The following ABI2 variants were observed in gnomAD, a reference collection of about 807,000 sequenced individuals.
ABI2 encodes the protein abelson interactor 2.
A neutral mutation model predicts 59.2 loss-of-function variants in ABI2; 25 were observed. That is an observed-to-expected ratio of 0.42 (90% CI 0.31 to 0.59). The LOEUF (loss-of-function observed/expected upper bound fraction) is 0.59, where lower values mean the gene tolerates loss of function less well. Ranked by LOEUF, ABI2 falls within the 20% of genes least tolerant of loss-of-function variation. The probability of loss-of-function intolerance (pLI) is 0.14; values close to 1 mark genes in which losing one functional copy is unlikely to be tolerated. For synonymous variants in ABI2, 213 were observed against 235.5 expected, an observed-to-expected ratio of 0.90 and a Z score of 0.87; for missense variants, 545 against 681.8, an observed-to-expected ratio of 0.80 and a Z score of 2.23.
chr2:203,368,944 G>GT (rs1197467655), intron 2 of ABI2, among the ~76,000 whole-genome samples: 2 of 146,438 alleles, frequency 1.4e-5, no homozygotes, highest in African/African-American at 5.1e-5. Flanking sequence ...AGCCTCTCAA[G>GT]TAGCTGGCTG....
intron 1 of ABI2, among the ~76,000 whole-genome samples, chr2:203,354,424 C>T (rs999425020): frequency 6.6e-6 from 1 of 152,138 alleles, no homozygotes; most frequent in Non-Finnish European, 1.5e-5. Context: ...GTGAATCTAT[C>T]TTTAATTCAT....
At chr2:203,414,834 C>T (rs1179938344) in intron 10 of ABI2, among the ~76,000 whole-genome samples, 1 of 152,126 alleles carries the variant, frequency 6.6e-6, no homozygotes, top group Non-Finnish European at 1.5e-5. Context: ...GTCTCCACAT[C>T]TATAAAATGA....
chr2:203,408,165 CT>C (rs11302309), intron 9 of ABI2, among the ~76,000 whole-genome samples: 105,713 of 144,692 alleles, frequency 0.73, 39,357 homozygotes, highest in Middle Eastern at 0.86. Flanking sequence ...TGCTGGTGGA[CT>C]TTTTTTTTTT....
At chr2:203,361,102 C>A (rs2093433998) in intron 1 of ABI2, among the ~76,000 whole-genome samples, 1 of 152,136 alleles carries the variant, frequency 6.6e-6, no homozygotes, top group Non-Finnish European at 1.5e-5. Flanking sequence ...TGTCTGGCTG[C>A]CACAGCAATC....
intron 9 of ABI2, among the ~76,000 whole-genome samples, chr2:203,405,279 A>T (rs1262907551): frequency 1.3e-5 from 2 of 151,660 alleles, no homozygotes; most frequent in Admixed American, 6.6e-5. Flanking sequence ...TTGTAAACTA[A>T]TTTTTTTTTA....
chr2:203,405,897 T>C (rs2097405701), intron 9 of ABI2, among the ~76,000 whole-genome samples: 1 of 152,202 alleles, frequency 6.6e-6, no homozygotes, highest in African/African-American at 2.4e-5. Flanking sequence ...AATTATAACA[T>C]AGGAGTTAAA....
chr2:203,333,049 G>C (rs1200279233), intron 1 of ABI2, among the ~76,000 whole-genome samples: 1 of 152,026 alleles, frequency 6.6e-6, no homozygotes, highest in Admixed American at 6.6e-5. Flanking sequence ...TAATCAATGT[G>C]GATACTCCCA....
At chr2:203,328,744 G>C (rs1163921873) in intron 1 of ABI2, 113 bp downstream of exon 1, 3 of 562,572 alleles carry the variant, frequency 5.3e-6, no homozygotes, top group African/African-American at 4.0e-5. Context: ...AGCCCCCGAT[G>C]GGGGTGGGGA....
chr2:203,414,604 T>A (rs1435281947), intron 10 of ABI2, among the ~76,000 whole-genome samples: 1 of 152,256 alleles, frequency 6.6e-6, no homozygotes, highest in East Asian at 1.9e-4. Flanking sequence ...ATTTGGTCGT[T>A]CATGTCTTCA....
intron 4 of ABI2, among the ~76,000 whole-genome samples, chr2:203,390,060 G>T (rs1164598258): frequency 2.0e-5 from 3 of 152,154 alleles, no homozygotes; most frequent in Admixed American, 6.5e-5. Context: ...TGGCCCTTGT[G>T]CTGCTCCCAG....
chr2:203,364,978 C>T (rs903013563), intron 1 of ABI2, among the ~76,000 whole-genome samples: 1 of 152,202 alleles, frequency 6.6e-6, no homozygotes, highest in African/African-American at 2.4e-5. Flanking sequence ...AAGCAATGCT[C>T]CCGCCTCAGC....
chr2:203,390,802 A>G (rs2096715817), intron 4 of ABI2, among the ~76,000 whole-genome samples: 1 of 152,234 alleles, frequency 6.6e-6, no homozygotes, highest in Admixed American at 6.5e-5. Context: ...TGATGGCCTA[A>G]TGGCAAATAA....
intron 2 of ABI2, among the ~76,000 whole-genome samples, chr2:203,374,498 CAAAAAAAA>C (rs777951265): frequency 0.023 from 1,240 of 53,862 alleles, 14 homozygotes; most frequent in Middle Eastern, 0.044. Context: ...GACTCTGTCT[CAAAAAAAA>C]AAAAAAAAAA....
At chr2:203,372,664 C>G (rs964230432) in intron 2 of ABI2, among the ~76,000 whole-genome samples, 2 of 151,972 alleles carry the variant, frequency 1.3e-5, no homozygotes, top group Non-Finnish European at 2.9e-5. Context: ...GGGCTCCTCA[C>G]TTCCCAGACG....
At chr2:203,329,563 CT>C (rs890525515) in intron 1 of ABI2, among the ~76,000 whole-genome samples, 144 of 143,332 alleles carry the variant, frequency 1.0e-3, no homozygotes, top group African/African-American at 2.9e-3. Flanking sequence ...AAATCTTTTG[CT>C]TTTTTTTTTA....
At chr2:203,354,634 C>T (rs1249954068) in intron 1 of ABI2, among the ~76,000 whole-genome samples, 1 of 152,132 alleles carries the variant, frequency 6.6e-6, no homozygotes, top group Non-Finnish European at 1.5e-5. Context: ...ATTACAGCAA[C>T]AATAATAGCC....
rs781691903 is a variant in ABI2 at position 203,328,626 on chromosome 2, A to T, written c.112A>T (p.Ile38Leu). 29 of 1,581,984 alleles carry T rather than the reference A, an allele frequency of 1.8e-5. No homozygotes were observed. The highest frequency in any genetic ancestry group is 7.0e-5 in the African/African-American group (5 of 71,448). The change falls in exon 1 of 12, where the codon ATA becomes TTA. Residue 38 changes from isoleucine (I) to leucine (L), a missense_variant. Physicochemically the swap from Ile to Leu is conservative, Grantham distance 5. Transcript: ENST00000261018. ...RVADYCENNY[I>L]QSADKQRALE... The stretch of plus-strand genomic sequence containing the variant: ...GGCCGATTACTGCGAGAACAACTAC[A>T]TACAGGTGCGAAGCATCCCCAGCTG...
At chr2:203,427,121 G>T in intron 11 of ABI2, 56 bp from the exon 12 acceptor site, 5 of 1,519,436 alleles carry the variant, frequency 3.3e-6, no homozygotes, top group Middle Eastern at 1.7e-4. Context: ...GCTTGGTTCT[G>T]TCTTTCTAGG....
chr2:203,372,514 G>A (rs2095319383), intron 2 of ABI2, among the ~76,000 whole-genome samples: 1 of 151,854 alleles, frequency 6.6e-6, no homozygotes, highest in Non-Finnish European at 1.5e-5. Context: ...GCCGGGCAGA[G>A]GCGCCCCTCA....
Sources: gnomAD v4.1 joint callset for allele counts (sites outside exome capture counted in the v4.1 genomes callset) on GRCh38, gnomAD v4.1.1 for gene constraint, MANE v1.5 for transcripts, NCBI Gene and HGNC (gene_info 2026-07-23, HGNC 2026-07-21) for gene names.